POLE2: variants seen among roughly 807,000 people sequenced by gnomAD.
POLE2 encodes DNA polymerase epsilon 2, accessory subunit, also known as DNA polymerase epsilon subunit 2.
In POLE2, 56 loss-of-function variants were observed where a neutral mutation model predicts 79.4. That is an observed-to-expected ratio of 0.71 (90% CI 0.57 to 0.88). The LOEUF is 0.88. Among genes scored for constraint, POLE2 ranks in the 40% least tolerant of loss-of-function variants. The pLI is 0.00. For synonymous variants in POLE2, 212 were observed against 214.0 expected (o/e 0.99, Z 0.08); for missense variants, 598 against 638.9 (o/e 0.94, Z 0.69).
chr14:49,679,684 A>G, intron 3 of POLE2, 41 bp downstream of exon 3: 1 of 998,272 alleles, frequency 1.0e-6, no homozygotes, highest in Non-Finnish European at 1.6e-6. Flanking sequence ...AGTGCTCAAT[A>G]ACACCTCCAA....
chr14:49,655,565 T>TG lies in POLE2; in HGVS notation c.928+105_928+106insC, dbSNP rs1884598981. On this transcript the variant is annotated intron_variant, in intron 11 of 18. Transcript: ENST00000216367. The stretch of plus-strand genomic sequence containing the variant: ...TTAAATTATCTCATTGCTAACTCTG[T>TG]TTTTTTTTAAATAGAATACTCAAAA... 1.3e-5 allele frequency: 10 copies of TG among 795,228 alleles called. 2 individuals carry two copies. The highest frequency in any genetic ancestry group is 3.7e-5 in the African/African-American group (2 of 54,744). The allele number at this position is 795,228 out of a possible 1,614,324, so 49.3% of individuals were successfully genotyped here.
chr14:49,643,651 C>G lies in POLE2; in HGVS notation c.*1G>C, dbSNP rs763503805. On this transcript the variant is annotated 3_prime_UTR_variant, in exon 19 of 19. Transcript: ENST00000216367. ...TTTTCTTCAGATGATCTTTAAGAAT[C>G]TCAAAAGCCTTGAAGTTTGCTGAAA... 1 of 1,405,990 alleles carries G rather than the reference C, an allele frequency of 7.1e-7. No homozygotes were observed. 87.1% of individuals were successfully genotyped at this position (1,405,990 alleles called of 1,614,324 possible). A position where few individuals can be genotyped will look rare whatever the true frequency, so the allele number is the denominator to read the frequency against.
At position 49,663,338 on chromosome 14, in the gene POLE2, G is replaced by A. The variant is rs1486554657; in HGVS notation, c.732C>T (p.Pro244=). The A allele has an allele frequency of 3.1e-6, 5 of 1,607,094 alleles. No homozygotes were observed. In the East Asian group the frequency reaches 6.7e-5, roughly 22 times the overall value. ...ACCTAGTAGTACTAGAGGGCTCAGT[G>A]GGTGGAAATCCAAAGGCATTGACAT... ...VFHVNAFGFP[P]TEPSSTTRAY... The change falls in exon 10 of 19, where the codon CCC becomes CCT. Residue 244 remains proline, a synonymous_variant. Coordinates refer to ENST00000216367, the MANE Select transcript of POLE2 (RefSeq NM_002692.4).
chr14:49,685,757 T>C (rs1015720966), intron 1 of POLE2, among the ~76,000 whole-genome samples: 6 of 151,932 alleles, frequency 3.9e-5, no homozygotes, highest in African/African-American at 1.5e-4. Context: ...TAGCTGGGGT[T>C]ACAGGTGCAC....
chr14:49,661,536 C>A (rs1334382124), intron 10 of POLE2, among the ~76,000 whole-genome samples: 1 of 152,160 alleles, frequency 6.6e-6, no homozygotes, highest in Non-Finnish European at 1.5e-5. Flanking sequence ...AAAAGCCTTA[C>A]TCACATCTTC....
intron 3 of POLE2, among the ~76,000 whole-genome samples, chr14:49,674,845 T>C (rs1886150254): frequency 6.6e-6 from 1 of 151,956 alleles, no homozygotes; most frequent in Non-Finnish European, 1.5e-5. Flanking sequence ...GGATTACAGA[T>C]GTGAGCCACC....
At chr14:49,686,170 A>G (rs1226357559) in intron 1 of POLE2, among the ~76,000 whole-genome samples, 1 of 152,204 alleles carries the variant, frequency 6.6e-6, no homozygotes, top group African/African-American at 2.4e-5. Flanking sequence ...CCTGCCCTTA[A>G]GTGTGGGCTG....
At chr14:49,645,349 C>T (rs7146248) in intron 18 of POLE2, among the ~76,000 whole-genome samples, 110,265 of 152,118 alleles carry the variant, frequency 0.72, 41,182 homozygotes, top group Non-Finnish European at 0.76. Flanking sequence ...ATTTCTGTGA[C>T]TAATTCCACA....
intron 5 of POLE2, among the ~76,000 whole-genome samples, chr14:49,672,341 T>C (rs1243839726): frequency 1.3e-5 from 2 of 152,216 alleles, no homozygotes; most frequent in African/African-American, 2.4e-5. Context: ...AGCAACACTA[T>C]GTCGGCAATG....
chr14:49,666,492 T>C, intron 6 of POLE2, 79 bp from the exon 7 acceptor site: 1 of 554,962 alleles, frequency 1.8e-6, no homozygotes. Flanking sequence ...ATAACTATAT[T>C]TGGGGTATAC....
intron 1 of POLE2, chr14:49,684,517 C>G (rs1307044228): frequency 6.6e-6 from 1 of 151,712 alleles, no homozygotes; most frequent in Admixed American, 6.6e-5. Context: ...ATCATAGAAG[C>G]AACACTCATT....
intron 1 of POLE2, among the ~76,000 whole-genome samples, chr14:49,687,300 C>CCA (rs60811856): frequency 0.069 from 9,656 of 139,746 alleles, 446 homozygotes; most frequent in Admixed American, 0.16. Context: ...TACACACACA[C>CCA]CACACACACA....
chr14:49,643,659 C>A lies in POLE2; in HGVS notation c.1577G>T (p.Gly526Val). 1 of 1,411,180 alleles carries A rather than the reference C, an allele frequency of 7.1e-7. No individual in the cohort carries two copies. Among genetic ancestry groups the A allele is most frequent in the Non-Finnish European group, 9.8e-7 (1 of 1,015,718 alleles). The allele number at this position is 1,411,180 out of a possible 1,614,324, so 87.4% of individuals were successfully genotyped here. A position where few individuals can be genotyped will look rare whatever the true frequency, so the allele number is the denominator to read the frequency against. The part of the protein sequence containing the change: ...NKTVEDSKLQ[G>V]F ...AGATGATCTTTAAGAATCTCAAAAG[C>A]CTTGAAGTTTGCTGAAAATAGAAAA... is the stretch of plus-strand genomic sequence containing the variant. Residue 526 changes from glycine to valine, a missense_variant, in exon 19 of 19, where the codon GGC becomes GTC. By Grantham distance (109) the Gly-to-Val change is moderately radical (BLOSUM62 -3). Transcript: ENST00000216367.
At chr14:49,669,648 T>C (rs1361562300) in intron 5 of POLE2, 50 bp from the exon 6 acceptor site, 1 of 931,266 alleles carries the variant, frequency 1.1e-6, no homozygotes, top group Non-Finnish European at 1.8e-6. Flanking sequence ...CATTTAAATA[T>C]AAGATTCATT....
rs1171455223 is a variant in POLE2, at chr14:49,655,855, T to C, written c.756-12A>G. 4.6e-6 allele frequency: 6 copies of C among 1,310,198 alleles called. No individual in the cohort carries two copies. Among genetic ancestry groups the C allele is most frequent in the Non-Finnish European group, 6.5e-6 (6 of 924,192 alleles). The allele number at this position is 1,310,198 out of a possible 1,614,324, so 81.2% of individuals were successfully genotyped here. ...TTCCATAGTATGCCCTAGATAATTA[T>C]AACATAATTATCTTCTATATACCAC... On this transcript the variant is annotated splice_polypyrimidine_tract_variant and intron_variant, in intron 10 of 18. Transcript: ENST00000216367.
intron 2 of POLE2, among the ~76,000 whole-genome samples, chr14:49,680,271 G>A (rs1470659025): frequency 2.0e-5 from 3 of 151,946 alleles, no homozygotes; most frequent in Non-Finnish European, 2.9e-5. Flanking sequence ...GATCACCTGA[G>A]CCCAGGGAGG....
chr14:49,683,886 C>T (rs1323265388), intron 1 of POLE2, among the ~76,000 whole-genome samples, 193 bp from the exon 2 acceptor site: 4 of 152,184 alleles, frequency 2.6e-5, no homozygotes, highest in Non-Finnish European at 4.4e-5. Flanking sequence ...AACATAAAGC[C>T]TCAAATCACA....
chr14:49,669,277 G>T (rs114628709), intron 6 of POLE2, among the ~76,000 whole-genome samples: 1,925 of 152,248 alleles, frequency 0.013, 46 homozygotes, highest in African/African-American at 0.044. Context: ...TACCTTGGAG[G>T]CCAGAGTGTA....
chr14:49,665,218 CA>C (rs963716624), intron 7 of POLE2, 55 bp from the exon 8 acceptor site: 6 of 754,158 alleles, frequency 8.0e-6, no homozygotes, highest in African/African-American at 3.6e-5. Context: ...AAACCGTTGA[CA>C]AAAAAATTAA....
Sources: allele counts gnomAD v4.1 joint callset (sites outside exome capture counted in the v4.1 genomes callset), GRCh38; gene constraint gnomAD v4.1.1; transcripts MANE v1.5; gene names NCBI Gene and HGNC (gene_info 2026-07-23, HGNC 2026-07-21).